CNTN4: variants seen among roughly 807,000 people sequenced by gnomAD.
CNTN4 encodes contactin-4.
In CNTN4, 77 loss-of-function variants were observed where a neutral mutation model predicts 122.5. The observed-to-expected ratio is 0.63, with a 90% CI of 0.52 to 0.76. CNTN4 has a LOEUF of 0.76. CNTN4 is among the 30% of genes least tolerant of loss of function. The pLI is 0.00. For synonymous variants in CNTN4, 512 were observed against 447.0 expected (o/e 1.15, Z -1.83); for missense variants, 1,256 against 1,259.1 (o/e 1.00, Z 0.04).
chr3:2,555,515 G>A (rs887255694), intron 3 of CNTN4, among the ~76,000 whole-genome samples: 12 of 152,164 alleles, frequency 7.9e-5, no homozygotes, highest in African/African-American at 2.7e-4. Context: ...TCTCTAATAA[G>A]AGAAATCCTG....
intron 4 of CNTN4, among the ~76,000 whole-genome samples, chr3:2,663,435 G>A (rs59913734): frequency 6.6e-6 from 1 of 152,110 alleles, no homozygotes; most frequent in African/African-American, 2.4e-5. Context: ...TGGCTAGTTA[G>A]ATATTGTTCT....
intron 2 of CNTN4, among the ~76,000 whole-genome samples, chr3:2,312,841 G>A (rs2042963002): frequency 6.6e-6 from 1 of 151,950 alleles, no homozygotes; most frequent in Non-Finnish European, 1.5e-5. Context: ...GTGTTTGTGT[G>A]GTGGCTTGTA....
intron 13 of CNTN4, among the ~76,000 whole-genome samples, chr3:2,949,322 C>G (rs529457844): frequency 1.3e-5 from 2 of 152,264 alleles, no homozygotes; most frequent in South Asian, 2.1e-4. Context: ...AGCTGAATTC[C>G]TACTGGATTC....
At chr3:2,859,521 A>C (rs999912902) in intron 7 of CNTN4, among the ~76,000 whole-genome samples, 2 of 145,162 alleles carry the variant, frequency 1.4e-5, no homozygotes, top group Non-Finnish European at 3.0e-5. Context: ...CATGCTAACA[A>C]AAAGGATGCT....
chr3:2,272,789 G>C (rs2041352476), intron 2 of CNTN4, among the ~76,000 whole-genome samples: 1 of 140,512 alleles, frequency 7.1e-6, no homozygotes, highest in Non-Finnish European at 1.5e-5. Flanking sequence ...CATTGTAAGG[G>C]TAGCAGAAAC....
intron 2 of CNTN4, among the ~76,000 whole-genome samples, chr3:2,240,804 T>C (rs2039903729): frequency 6.6e-6 from 1 of 152,112 alleles, no homozygotes; most frequent in Non-Finnish European, 1.5e-5. Flanking sequence ...GTAAATCCAG[T>C]GAGAATAAAA....
At chr3:2,670,776 T>C (rs2084461725) in intron 4 of CNTN4, among the ~76,000 whole-genome samples, 1 of 152,214 alleles carries the variant, frequency 6.6e-6, no homozygotes, top group Non-Finnish European at 1.5e-5. Context: ...GGAGCTCTTT[T>C]AGGACAGGCC....
intron 12 of CNTN4, among the ~76,000 whole-genome samples, chr3:2,909,806 A>C (rs971423797): frequency 3.3e-5 from 5 of 152,218 alleles, no homozygotes; most frequent in Non-Finnish European, 5.9e-5. Flanking sequence ...TTTCTGATAT[A>C]GTAGCTCTAG....
At chr3:2,221,593 A>T (rs1226300835) in intron 2 of CNTN4, among the ~76,000 whole-genome samples, 1 of 152,060 alleles carries the variant, frequency 6.6e-6, no homozygotes, top group African/African-American at 2.4e-5. Flanking sequence ...GGCTGCCATT[A>T]AAGAAATAAA....
intron 15 of CNTN4, 81 bp from the exon 16 acceptor site, chr3:3,030,774 T>C: frequency 1.3e-6 from 2 of 1,483,742 alleles, no homozygotes; most frequent in Non-Finnish European, 1.9e-6. Flanking sequence ...ATAAATCCAT[T>C]AGTCACCGTG....
Position 2,616,818 on chromosome 3 carries a change from G to A in CNTN4, c.55+45260G>A, listed in dbSNP as rs530499992. On this transcript the variant is annotated intron_variant, in intron 4 of 24. Transcript: ENST00000418658. ...ATATAGACCAATGGAACAGAACAGA[G>A]ACCTCAGAAATAACACCCAACATCT... Among the ~76,000 whole-genome samples the A allele has an allele frequency of 5.8e-4, 89 of 152,274 alleles. 1 individual carries two copies. The highest frequency in any genetic ancestry group is 6.8e-3 in the Middle Eastern group (2 of 294).
chr3:2,317,274 G>T (rs2043138226), intron 2 of CNTN4, among the ~76,000 whole-genome samples: 1 of 152,202 alleles, frequency 6.6e-6, no homozygotes, highest in Admixed American at 6.5e-5. Flanking sequence ...GTACTTGTTT[G>T]TGATGGAGTT....
chr3:2,281,897 C>G (rs2041729109), intron 2 of CNTN4, among the ~76,000 whole-genome samples: 1 of 152,080 alleles, frequency 6.6e-6, no homozygotes, highest in African/African-American at 2.4e-5. Flanking sequence ...GTGAACCACT[C>G]TACTGACTCA....
At chr3:2,722,956 T>C (rs145065833) in intron 4 of CNTN4, among the ~76,000 whole-genome samples, 129 of 152,348 alleles carry the variant, frequency 8.5e-4, no homozygotes, top group Non-Finnish European at 1.6e-3. Flanking sequence ...TGGCATATGA[T>C]GAATCACATT....
At chr3:2,801,930 A>G (rs533809362) in intron 6 of CNTN4, among the ~76,000 whole-genome samples, 25 of 152,312 alleles carry the variant, frequency 1.6e-4, no homozygotes, top group African/African-American at 5.8e-4. Context: ...TAATCAAATG[A>G]GTTATTAGTA....
At chr3:2,256,907 T>C (rs935543357) in intron 2 of CNTN4, among the ~76,000 whole-genome samples, 4 of 152,112 alleles carry the variant, frequency 2.6e-5, no homozygotes, top group African/African-American at 9.7e-5. Flanking sequence ...CAAGCCACCA[T>C]TGACTTTCTT....
intron 4 of CNTN4, among the ~76,000 whole-genome samples, chr3:2,594,877 A>G (rs989564234): frequency 2.6e-5 from 4 of 152,202 alleles, no homozygotes; most frequent in Admixed American, 6.5e-5. Context: ...TAAATAATCA[A>G]TTTTGCATTA....
chr3:2,735,808 T>G, intron 4 of CNTN4: 1 of 368,392 alleles, frequency 2.7e-6, no homozygotes, highest in East Asian at 7.3e-5. Flanking sequence ...TTTTATCATC[T>G]CATTACAGCA....
intron 4 of CNTN4, among the ~76,000 whole-genome samples, chr3:2,642,975 A>G (rs772797865): frequency 5.3e-5 from 8 of 152,204 alleles, no homozygotes; most frequent in Admixed American, 1.3e-4. Context: ...GGGGATGGTA[A>G]TAAAATATAC....
Sources: gnomAD v4.1 joint callset for allele counts (sites outside exome capture counted in the v4.1 genomes callset) on GRCh38, gnomAD v4.1.1 for gene constraint, MANE v1.5 for transcripts, NCBI Gene and HGNC (gene_info 2026-07-23, HGNC 2026-07-21) for gene names.